SEMA4B: variants seen among roughly 807,000 people sequenced by gnomAD.
SEMA4B encodes the protein semaphorin-4B.
In SEMA4B, 55 loss-of-function variants were observed where a neutral mutation model predicts 88.1. The observed-to-expected ratio is 0.62, with a 90% CI of 0.50 to 0.78. The LOEUF is 0.78. Among genes scored for constraint, SEMA4B ranks in the 30% least tolerant of loss-of-function variants. The pLI, the probability that SEMA4B is intolerant of heterozygous loss-of-function variation, is 0.00. For missense variants in SEMA4B, 1,062 were observed against 1,111.9 expected (o/e 0.96, Z 0.64); for synonymous variants, 525 against 473.6 (o/e 1.11, Z -1.41).
chr15:90,208,174 A>G (rs1961083055), intron 1 of SEMA4B, among the ~76,000 whole-genome samples: 2 of 152,072 alleles, frequency 1.3e-5, no homozygotes, highest in Non-Finnish European at 2.9e-5. Flanking sequence ...GAATCACTTG[A>G]ACCTGGGAGA....
intron 1 of SEMA4B, among the ~76,000 whole-genome samples, chr15:90,215,170 T>G (rs1411987891): frequency 6.6e-6 from 1 of 152,100 alleles, no homozygotes; most frequent in Non-Finnish European, 1.5e-5. Context: ...TCCAAACCCT[T>G]TAGTTACCCA....
intron 1 of SEMA4B, chr15:90,206,704 C>A: frequency 1.4e-6 from 1 of 738,798 alleles, no homozygotes. Flanking sequence ...TAGACAAGCG[C>A]CAAGCCCATC....
At chr15:90,211,144 C>A (rs1961246271) in intron 1 of SEMA4B, among the ~76,000 whole-genome samples, 1 of 152,114 alleles carries the variant, frequency 6.6e-6, no homozygotes, top group African/African-American at 2.4e-5. Flanking sequence ...GGGAGCCAGC[C>A]CCTGAGCAGA....
rs1256657798 is a variant in SEMA4B at position 90,222,436 on chromosome 15, G to T, written c.861+671G>T. On this transcript the variant is annotated intron_variant, in intron 7 of 13. Coordinates refer to ENST00000411539, the MANE Select transcript of SEMA4B (RefSeq NM_198925.4). Reference sequence around the variant, plus strand: ...AATACAAAAGTTAGCTGGGCGTGGTGGTGCACGCCTGTAATCCTAGCTACT... The same window carrying T: ...AATACAAAAGTTAGCTGGGCGTGGTTGTGCACGCCTGTAATCCTAGCTACT... 4.0e-5 allele frequency among the ~76,000 whole-genome samples: 6 copies of T among 151,726 alleles called. 1 individual carries two copies. In the East Asian group the frequency reaches 1.2e-3, roughly 30 times the overall value.
Position 90,227,020 on chromosome 15 carries a change from T to G in SEMA4B, c.1689-537T>G, listed in dbSNP as rs527917407. Among the ~76,000 whole-genome samples, 6 of 152,330 alleles carry G rather than the reference T, an allele frequency of 3.9e-5. No homozygotes were observed. In the East Asian group the frequency reaches 1.2e-3, roughly 29 times the overall value. On this transcript the variant is annotated intron_variant, in intron 12 of 13. Coordinates refer to ENST00000411539, the MANE Select transcript of SEMA4B (RefSeq NM_198925.4). ...ATACAGATCCCAGCTGTCCTTCTAA[T>G]CTTTTTCTGAGGGTACATACTATTT... is the stretch of plus-strand genomic sequence containing the variant.
chr15:90,189,794 T>G (rs962930531), intron 1 of SEMA4B, among the ~76,000 whole-genome samples: 2 of 152,178 alleles, frequency 1.3e-5, no homozygotes, highest in Non-Finnish European at 2.9e-5. Flanking sequence ...TGATTCCCTC[T>G]CTCCTGAAAT....
chr15:90,218,062 G>T, intron 3 of SEMA4B: 1 of 491,932 alleles, frequency 2.0e-6, no homozygotes, highest in South Asian at 2.2e-5. Context: ...TGTAAAATGG[G>T]GATAATGATC....
intron 1 of SEMA4B, chr15:90,206,584 C>T (rs1386912145): frequency 7.5e-6 from 4 of 531,440 alleles, no homozygotes; most frequent in East Asian, 3.2e-5. Context: ...CCGAGGAAGG[C>T]ATTGCTGCTG....
In SEMA4B at chr15:90,190,080, T is replaced by C. The variant is rs1421054166; in HGVS notation, c.-122+4999T>C. 2.6e-5 allele frequency among the ~76,000 whole-genome samples: 4 copies of C among 152,212 alleles called. No homozygotes were observed. The East Asian group carries it at 5.8e-4, about 22-fold the overall frequency. On this transcript the variant is annotated intron_variant, in intron 1 of 14. Transcript: ENST00000332496. ...GCCAAGCTGGGGCTCACTCAGAACC[T>C]TGTGGGCTCCAGAGTCCCTGGTGTG... is the stretch of plus-strand genomic sequence containing the variant.
intron 1 of SEMA4B, among the ~76,000 whole-genome samples, chr15:90,211,029 G>A (rs1961241905): frequency 6.6e-6 from 1 of 152,194 alleles, no homozygotes; most frequent in South Asian, 2.1e-4. Flanking sequence ...GGAAGTTGAG[G>A]TTGTTTATGC....
chr15:90,215,110 C>A, intron 1 of SEMA4B: 1 of 565,224 alleles, frequency 1.8e-6, no homozygotes, highest in Non-Finnish European at 2.4e-6. Context: ...CTGCTCTTTG[C>A]TTGTTTTTGT....
chr15:90,206,661 T>C, intron 1 of SEMA4B: 1 of 681,478 alleles, frequency 1.5e-6, no homozygotes, highest in South Asian at 1.6e-5. Flanking sequence ...CACGATGGCC[T>C]AGCACATGGA....
rs1479949109 is a variant in SEMA4B, at chr15:90,228,971, T to C, written c.*328T>C. ...CTAGAATGAGAGGGAAGAGATAGCA[T>C]GGCATGCAGCACACACGGCTGCTCC... On this transcript the variant is annotated 3_prime_UTR_variant, in exon 14 of 14. Coordinates refer to ENST00000411539, the MANE Select transcript of SEMA4B (RefSeq NM_198925.4). 2 of 424,146 alleles carry C rather than the reference T, an allele frequency of 4.7e-6. No individual in the cohort carries two copies. The highest frequency in any genetic ancestry group is 5.4e-5 in the East Asian group (1 of 18,640). 26.3% of individuals were successfully genotyped at this position (424,146 alleles called of 1,614,324 possible).
chr15:90,201,546 G>C lies in SEMA4B; in HGVS notation c.-33G>C, dbSNP rs773789038. On this transcript the variant is annotated 5_prime_UTR_variant, in exon 1 of 14. Coordinates refer to ENST00000411539, the MANE Select transcript of SEMA4B (RefSeq NM_198925.4). Reference sequence around the variant, plus strand: ...GAGTCCGGCCGAGCCACCTGAGCCCGAGCCGCGGGACACCGTCGCTCCTGC... The same window carrying C: ...GAGTCCGGCCGAGCCACCTGAGCCCCAGCCGCGGGACACCGTCGCTCCTGC... 1.0e-3 allele frequency: 1,432 copies of C among 1,425,676 alleles called. 2 individuals are homozygous for C. The highest frequency in any genetic ancestry group is 1.2e-3 in the Non-Finnish European group (1,348 of 1,093,868). The allele number at this position is 1,425,676 out of a possible 1,614,324, so 88.3% of individuals were successfully genotyped here.
rs1282640779 is a variant in SEMA4B, at chr15:90,226,405, A to G, written c.1688+578A>G. Among the ~76,000 whole-genome samples, 4 of 152,158 alleles carry G rather than the reference A, an allele frequency of 2.6e-5. No homozygotes were observed. The East Asian group carries it at 5.8e-4, about 22-fold the overall frequency. On this transcript the variant is annotated intron_variant, in intron 12 of 13. Transcript: ENST00000411539. ...GCCCAGGCTGGAGTGCAGTGGCACA[A>G]TCTCGGTTCACTGCAACCTCCACGT... is the stretch of plus-strand genomic sequence containing the variant.
At chr15:90,219,751 G>A (rs1310559645) in intron 3 of SEMA4B, 42 bp from the exon 4 acceptor site, 6 of 1,531,976 alleles carry the variant, frequency 3.9e-6, no homozygotes, top group African/African-American at 1.4e-5. Context: ...CTGGTGGCAT[G>A]CTTGGGCGTG....
In SEMA4B at chr15:90,228,579, T is replaced by C; in HGVS notation, c.2450T>C (p.Val817Ala). Residue 817 changes from valine (V) to alanine (A), a missense_variant, in exon 14 of 14, where the codon GTA becomes GCA. Coordinates refer to ENST00000411539, the MANE Select transcript of SEMA4B (RefSeq NM_198925.4). ...AGCATCCAAGACAGCTTCGTGGAGG[T>C]ATCCCCAGTGTGCCCCCGGCCCCGG... Reference protein sequence around the residue: ...PLSIQDSFVEVSPVCPRPRVR... With the variant: ...PLSIQDSFVEASPVCPRPRVR... The C allele has an allele frequency of 6.2e-7, 1 of 1,613,536 alleles. No individual in the cohort carries two copies. Among genetic ancestry groups the C allele is most frequent in the Non-Finnish European group, 8.5e-7 (1 of 1,179,856 alleles).
chr15:90,229,069 C>T lies in SEMA4B; in HGVS notation c.*426C>T. 2.8e-6 allele frequency: 1 copy of T among 356,966 alleles called. No homozygotes were observed. Among genetic ancestry groups the T allele is most frequent in the Non-Finnish European group, 5.5e-6 (1 of 182,162 alleles). The allele number at this position is 356,966 out of a possible 1,614,324, so 22.1% of individuals were successfully genotyped here. A position where few individuals can be genotyped will look rare whatever the true frequency, so the allele number is the denominator to read the frequency against. On this transcript the variant is annotated 3_prime_UTR_variant, in exon 14 of 14. Coordinates refer to ENST00000411539, the MANE Select transcript of SEMA4B (RefSeq NM_198925.4). ...CTGAGACAGAGTTGGAAACCCTCAC[C>T]AACTGGCCTCTTCACCTTCCACATT...
chr15:90,187,205 C>T (rs1021110480), intron 1 of SEMA4B, among the ~76,000 whole-genome samples: 1 of 152,202 alleles, frequency 6.6e-6, no homozygotes, highest in Middle Eastern at 3.2e-3. Context: ...AGCTGGTGAG[C>T]CTGGAGCTAA....
Sources: gnomAD v4.1 joint callset for allele counts (sites outside exome capture counted in the v4.1 genomes callset) on GRCh38, gnomAD v4.1.1 for gene constraint, MANE v1.5 for transcripts, NCBI Gene and HGNC (gene_info 2026-07-23, HGNC 2026-07-21) for gene names.